Variants in KDM5A observed in about 807,000 individuals in gnomAD.
KDM5A encodes lysine demethylase 5A.
A neutral mutation model predicts 193.5 loss-of-function variants in KDM5A; 42 were observed. That is an observed-to-expected ratio of 0.22 (90% CI 0.17 to 0.28). The LOEUF is 0.28. KDM5A is among the 10% of genes least tolerant of loss of function. KDM5A has a pLI of 1.00. For missense variants in KDM5A, 1,692 were observed against 2,055.1 expected, an observed-to-expected ratio of 0.82 and a Z score of 3.42; for synonymous variants, 796 against 718.1, an observed-to-expected ratio of 1.11 and a Z score of -1.73.
intron 2 of KDM5A, 56 bp downstream of exon 2, chr12:385,841 T>TA: frequency 7.4e-7 from 1 of 1,360,274 alleles, no homozygotes; most frequent in Non-Finnish European, 1.1e-6. Context: ...GTTCTCTACC[T>TA]ACAGCCCTAA....
chr12:347,305 A>G (rs908305328), intron 10 of KDM5A, among the ~76,000 whole-genome samples: 2 of 152,244 alleles, frequency 1.3e-5, no homozygotes, highest in African/African-American at 4.8e-5. Context: ...ATGGATAGGA[A>G]GAATCAATAT....
At chr12:370,843 C>A (rs1449242837) in intron 3 of KDM5A, among the ~76,000 whole-genome samples, 1 of 152,170 alleles carries the variant, frequency 6.6e-6, no homozygotes, top group Admixed American at 6.5e-5. Context: ...TCAATTCCCA[C>A]CTATCAGTGA....
At chr12:339,043 T>G (rs1263431699) in intron 10 of KDM5A, among the ~76,000 whole-genome samples, 1 of 151,924 alleles carries the variant, frequency 6.6e-6, no homozygotes, top group African/African-American at 2.4e-5. Flanking sequence ...CCGGGCGTGG[T>G]GGTGCGTGCC....
intron 2 of KDM5A, among the ~76,000 whole-genome samples, chr12:384,839 C>G (rs1944620339): frequency 6.6e-6 from 1 of 152,162 alleles, no homozygotes; most frequent in South Asian, 2.1e-4. Context: ...AACTCTATAC[C>G]TCACTGATAC....
intron 19 of KDM5A, among the ~76,000 whole-genome samples, chr12:317,550 A>T (rs1428239335): frequency 1.3e-5 from 2 of 152,248 alleles, no homozygotes; most frequent in Non-Finnish European, 2.9e-5. Context: ...CTAACAAAGT[A>T]CTCTGCACAA....
At chr12:355,132 C>T (rs746019234) in intron 7 of KDM5A, 26 bp downstream of exon 7, 11 of 1,352,714 alleles carry the variant, frequency 8.1e-6, no homozygotes, top group Non-Finnish European at 1.2e-5. Flanking sequence ...AATCCTTTCC[C>T]TCCTGACAGA....
chr12:323,210 C>CAAAAAGAAAAAAAAAAAAAAA lies in KDM5A; in HGVS notation c.2151-5_2151-4insTTTTTTTTTTTTTTTCTTTTT. On this transcript the variant is annotated splice_polypyrimidine_tract_variant and splice_region_variant and intron_variant, in intron 15 of 27. Coordinates refer to ENST00000399788, the MANE Select transcript of KDM5A (RefSeq NM_001042603.3). ...GTCTTCTAATGGGTAGCGATATCTA[C>CAAAAAGAAAAAAAAAAAAAAA]AAAAAAAAAAAAAAAAAAAAAAAAA... is the stretch of plus-strand genomic sequence containing the variant. 3.4e-6 allele frequency: 1 copy of CAAAAAGAAAAAAAAAAAAAAA among 294,574 alleles called. No individual in the cohort carries two copies. The highest frequency in any genetic ancestry group is 4.8e-6 in the Non-Finnish European group (1 of 209,434). The allele number at this position is 294,574 out of a possible 1,614,324, so 18.2% of individuals were successfully genotyped here.
rs763909674 is a variant in KDM5A, at chr12:309,800, T to C, written c.3378+3A>G. The C allele has an allele frequency of 3.1e-6, 5 of 1,614,136 alleles. No homozygotes were observed. Among genetic ancestry groups the C allele is most frequent in the East Asian group, 4.5e-5 (2 of 44,874 alleles). On this transcript the variant is annotated splice_donor_region_variant and intron_variant, in intron 22 of 27. Transcript: ENST00000399788. The stretch of plus-strand genomic sequence containing the variant: ...AAACTCAAGATGCTAGGTAATTTCT[T>C]ACCACCATGGCTGTATCTCTGGTTT...
At position 388,452 on chromosome 12, in the gene KDM5A, T is replaced by C. The variant is rs572423520; in HGVS notation, c.165+475A>G. 3.8e-5 allele frequency: 15 copies of C among 391,524 alleles called. No individual in the cohort carries two copies. In the East Asian group the frequency reaches 1.1e-3, roughly 28 times the overall value. The allele number at this position is 391,524 out of a possible 1,614,324, so 24.3% of individuals were successfully genotyped here. A position where few individuals can be genotyped will look rare whatever the true frequency, so the allele number is the denominator to read the frequency against. On this transcript the variant is annotated intron_variant, in intron 1 of 27. Transcript: ENST00000399788. ...TTTTTCACTGCGGCAATAATTAGTCTGGAGTTCTTGTCTAGTAATACCATC... is the reference window on the plus strand; with the variant it reads ...TTTTTCACTGCGGCAATAATTAGTCCGGAGTTCTTGTCTAGTAATACCATC...
rs1944542320 is a variant in KDM5A, at chr12:378,970, A to C, written c.366+5061T>G. On this transcript the variant is annotated intron_variant, in intron 3 of 27. Transcript: ENST00000399788. ...TGAGACTCCATCTCAAAAAAAAAAA[A>C]AAAAAACTAATTATTCATATAGAAG... Among the ~76,000 whole-genome samples, 3 of 152,134 alleles carry C rather than the reference A, an allele frequency of 2.0e-5. No homozygotes were observed. In the South Asian group the frequency reaches 6.2e-4, roughly 32 times the overall value.
intron 24 of KDM5A, among the ~76,000 whole-genome samples, chr12:301,326 C>T (rs971384309): frequency 6.6e-6 from 1 of 152,150 alleles, no homozygotes; most frequent in Admixed American, 6.5e-5. Context: ...AAAGCTTATC[C>T]ACCACGATCA....
In KDM5A at chr12:307,103, A is replaced by C. The variant is rs1166179370; in HGVS notation, c.3931-14T>G. 1 of 1,614,128 alleles carries C rather than the reference A, an allele frequency of 6.2e-7. No homozygotes were observed. Reference sequence around the variant, plus strand: ...AGGTAAGTGTCCCTAAACAACAAATAATTCCAAGATGAACAGCAAGACATG... The same window carrying C: ...AGGTAAGTGTCCCTAAACAACAAATCATTCCAAGATGAACAGCAAGACATG... On this transcript the variant is annotated splice_polypyrimidine_tract_variant and intron_variant, in intron 23 of 27. Coordinates refer to ENST00000399788, the MANE Select transcript of KDM5A (RefSeq NM_001042603.3). The surrounding 1 kb of genome is among the most constrained non-coding windows in gnomAD (Gnocchi z 4.3).
intron 24 of KDM5A, 133 bp downstream of exon 24, chr12:306,813 A>C: frequency 2.1e-6 from 2 of 939,354 alleles, no homozygotes; most frequent in East Asian, 4.8e-5. Context: ...TACGACTAAA[A>C]ACTCAGAACA....
intron 9 of KDM5A, among the ~76,000 whole-genome samples, chr12:351,406 T>C (rs1006007828): frequency 2.6e-5 from 4 of 152,310 alleles, no homozygotes; most frequent in African/African-American, 9.6e-5. Context: ...TTTTTATGAC[T>C]GCATAGTATT....
At chr12:289,498 G>A (rs191148370) in intron 27 of KDM5A, among the ~76,000 whole-genome samples, 7 of 151,948 alleles carry the variant, frequency 4.6e-5, no homozygotes, top group African/African-American at 1.4e-4. Context: ...TTGAAACTGA[G>A]GCTAGGCACA....
Position 389,131 on chromosome 12 carries a change from C to A in KDM5A, c.-40G>T. On this transcript the variant is annotated 5_prime_UTR_variant, in exon 1 of 28. Transcript: ENST00000399788. ...GGGGGGGGGGGTCCCCGTGGGGAAC[C>A]GGTGGAGAAAAGCTGGCTGAAGCCC... 2 of 1,583,526 alleles carry A rather than the reference C, an allele frequency of 1.3e-6. No individual in the cohort carries two copies. The highest frequency in any genetic ancestry group is 1.1e-5 in the South Asian group (1 of 90,206).
intron 24 of KDM5A, among the ~76,000 whole-genome samples, chr12:304,670 C>A (rs1943483918): frequency 6.6e-6 from 1 of 152,068 alleles, no homozygotes; most frequent in Admixed American, 6.6e-5. Context: ...AGACAGTAAG[C>A]TAAGATTCTC....
In KDM5A at chr12:306,929, C is replaced by T. The variant is rs750255843; in HGVS notation, c.4074+17G>A. 7.4e-6 allele frequency: 12 copies of T among 1,611,780 alleles called. No individual in the cohort carries two copies. In the Admixed American group the frequency reaches 1.5e-4, roughly 20 times the overall value. On this transcript the variant is annotated intron_variant, in intron 24 of 27. Coordinates refer to ENST00000399788, the MANE Select transcript of KDM5A (RefSeq NM_001042603.3). ...AATGATCAGGTATGTACCCACACAGCTTGTCCATGTAACTACCTTCATGTC... is the reference window on the plus strand; with the variant it reads ...AATGATCAGGTATGTACCCACACAGTTTGTCCATGTAACTACCTTCATGTC...
At chr12:291,844 A>C (rs1279526554) in intron 27 of KDM5A, among the ~76,000 whole-genome samples, 1 of 152,122 alleles carries the variant, frequency 6.6e-6, no homozygotes. Flanking sequence ...TATTTAAAGA[A>C]CGGCCATAAG....
Sources: allele counts gnomAD v4.1 joint callset (sites outside exome capture counted in the v4.1 genomes callset), GRCh38; gene constraint gnomAD v4.1.1; non-coding constraint Gnocchi (gnomAD v3.1); transcripts MANE v1.5; gene names NCBI Gene and HGNC (gene_info 2026-07-23, HGNC 2026-07-21).